The following PDE7B variants were observed in gnomAD, a reference collection of about 807,000 sequenced individuals.
The protein encoded by PDE7B is phosphodiesterase 7B, also known as 3',5'-cyclic-AMP phosphodiesterase 7B.
In PDE7B, 29 loss-of-function variants were observed where a neutral mutation model predicts 56.2. The ratio of observed to expected loss-of-function variants is 0.52; its 90% CI spans 0.38 to 0.70. The LOEUF is 0.70. Ranked by LOEUF, PDE7B falls within the 30% of genes least tolerant of loss-of-function variation. The pLI, the probability that PDE7B is intolerant of heterozygous loss-of-function variation, is 0.00. For missense variants in PDE7B, 490 were observed against 565.0 expected, an observed-to-expected ratio of 0.87 and a Z score of 1.35; for synonymous variants, 197 against 196.9, an observed-to-expected ratio of 1.00 and a Z score of 0.00.
chr6:135,988,931 G>C (rs759527277), intron 2 of PDE7B, among the ~76,000 whole-genome samples: 1 of 152,098 alleles, frequency 6.6e-6, no homozygotes. Flanking sequence ...AAATAAAATC[G>C]ATCTGTCTGT....
At chr6:135,880,641 A>G (rs1001206181) in intron 1 of PDE7B, among the ~76,000 whole-genome samples, 8 of 152,326 alleles carry the variant, frequency 5.3e-5, no homozygotes, top group African/African-American at 1.9e-4. Flanking sequence ...CTGTCCTGGG[A>G]CTTAAGAAAA....
intron 2 of PDE7B, among the ~76,000 whole-genome samples, chr6:136,057,576 T>C (rs1776759745): frequency 6.6e-6 from 1 of 152,228 alleles, no homozygotes; most frequent in African/African-American, 2.4e-5. Context: ...CAGTATTTGG[T>C]TGTCAACTAA....
At chr6:135,975,774 G>A (rs866335562) in intron 2 of PDE7B, among the ~76,000 whole-genome samples, 1 of 151,344 alleles carries the variant, frequency 6.6e-6, no homozygotes, top group African/African-American at 2.4e-5. Context: ...AAAAATAGAA[G>A]TGATATACTC....
chr6:135,894,321 A>G (rs545347425), intron 1 of PDE7B, among the ~76,000 whole-genome samples: 2 of 152,298 alleles, frequency 1.3e-5, no homozygotes, highest in South Asian at 4.1e-4. Context: ...TAAGAACTAT[A>G]GAGTGAATTT....
chr6:136,177,545 T>C (rs867948089), intron 9 of PDE7B, among the ~76,000 whole-genome samples: 1 of 152,182 alleles, frequency 6.6e-6, no homozygotes, highest in African/African-American at 2.4e-5. Context: ...CATGAAAATA[T>C]GTCTAGCCTC....
intron 2 of PDE7B, among the ~76,000 whole-genome samples, chr6:136,090,299 A>T (rs1777366692): frequency 6.6e-6 from 1 of 152,218 alleles, no homozygotes; most frequent in Non-Finnish European, 1.5e-5. Context: ...GTCTTCCATA[A>T]AGTTGGTGAT....
intron 3 of PDE7B, among the ~76,000 whole-genome samples, chr6:136,132,911 G>A (rs1030161818): frequency 1.3e-5 from 2 of 152,120 alleles, no homozygotes; most frequent in African/African-American, 4.8e-5. Flanking sequence ...GTCCTAAGGT[G>A]CCACTACAAT....
At chr6:135,894,265 G>C (rs186342603) in intron 1 of PDE7B, among the ~76,000 whole-genome samples, 49 of 152,166 alleles carry the variant, frequency 3.2e-4, no homozygotes, top group Admixed American at 1.0e-3. Context: ...CTCAAACATA[G>C]CATTTTATAT....
At chr6:135,880,832 G>C (rs1204003524) in intron 1 of PDE7B, among the ~76,000 whole-genome samples, 2 of 152,138 alleles carry the variant, frequency 1.3e-5, no homozygotes, top group Non-Finnish European at 2.9e-5. Flanking sequence ...GAAGCAAGGA[G>C]GAAATGGGAA....
chr6:136,027,906 G>A (rs780286603), intron 2 of PDE7B, among the ~76,000 whole-genome samples: 4 of 152,306 alleles, frequency 2.6e-5, no homozygotes, highest in Middle Eastern at 3.4e-3. Flanking sequence ...ACAAGTGTGA[G>A]CCACCACGCC....
intron 8 of PDE7B, among the ~76,000 whole-genome samples, chr6:136,163,477 G>A (rs999559567): frequency 5.9e-5 from 9 of 152,208 alleles, no homozygotes; most frequent in Non-Finnish European, 1.5e-5. Flanking sequence ...TACCTCCCTA[G>A]GCCTCCAGGC....
chr6:136,065,838 G>T lies in PDE7B; in HGVS notation c.83-42893G>T, dbSNP rs1318985753. ...GATTTCTAGAATAGCAGCTATTATGGAACAGTTAATATTTCAGATTTTAAC... is the reference window on the plus strand; with the variant it reads ...GATTTCTAGAATAGCAGCTATTATGTAACAGTTAATATTTCAGATTTTAAC... On this transcript the variant is annotated intron_variant, in intron 2 of 12. Coordinates refer to ENST00000308191, the MANE Select transcript of PDE7B (RefSeq NM_018945.4). Among the ~76,000 whole-genome samples the T allele has an allele frequency of 2.0e-5, 3 of 152,136 alleles. No individual in the cohort carries two copies. The East Asian group carries it at 5.8e-4, about 29-fold the overall frequency.
At chr6:136,019,367 A>G (rs2128207927) in intron 2 of PDE7B, among the ~76,000 whole-genome samples, 1 of 152,166 alleles carries the variant, frequency 6.6e-6, no homozygotes, top group Middle Eastern at 3.4e-3. Flanking sequence ...AAGAAGTTGA[A>G]CAGCTAGTAC....
intron 3 of PDE7B, among the ~76,000 whole-genome samples, chr6:136,131,690 T>A (rs1450317428): frequency 6.6e-6 from 1 of 152,124 alleles, no homozygotes; most frequent in Non-Finnish European, 1.5e-5. Flanking sequence ...TAAGTCAGTG[T>A]CAAGTGAGAC....
intron 2 of PDE7B, among the ~76,000 whole-genome samples, chr6:135,975,308 AGT>A (rs1246187808): frequency 1.3e-5 from 2 of 152,174 alleles, no homozygotes; most frequent in African/African-American, 4.8e-5. Context: ...AGGGGTTCTC[AGT>A]GGGGAAGAAA....
chr6:135,957,951 A>G (rs1583795263), intron 2 of PDE7B, among the ~76,000 whole-genome samples: 1 of 151,996 alleles, frequency 6.6e-6, no homozygotes, highest in African/African-American at 2.4e-5. Flanking sequence ...TGCCTCTTCC[A>G]GCCAGAACAG....
rs1475350234 is a variant in PDE7B at position 136,189,409 on chromosome 6, C to CA, written c.1127-2198dup. On this transcript the variant is annotated intron_variant, in intron 12 of 12. Coordinates refer to ENST00000308191, the MANE Select transcript of PDE7B (RefSeq NM_018945.4). ...CAAAACCCCATCTCCACAAAAAATACAAAAAAATAAAATTAGCTGGGTGTG... is the reference window on the plus strand; with the variant it reads ...CAAAACCCCATCTCCACAAAAAATACAAAAAAAATAAAATTAGCTGGGTGTG... Among the ~76,000 whole-genome samples the CA allele has an allele frequency of 8.6e-5, 13 of 151,988 alleles. 1 individual carries two copies. The South Asian group carries it at 1.2e-3, about 15-fold the overall frequency.
At chr6:136,087,044 C>T (rs909532861) in intron 2 of PDE7B, among the ~76,000 whole-genome samples, 1 of 152,200 alleles carries the variant, frequency 6.6e-6, no homozygotes, top group South Asian at 2.1e-4. Flanking sequence ...TACTTGTATA[C>T]TATTCTTTAT....
chr6:136,048,275 G>A (rs1228277122), intron 2 of PDE7B, among the ~76,000 whole-genome samples: 1 of 152,186 alleles, frequency 6.6e-6, no homozygotes. Context: ...TATAACATCA[G>A]CACTTTGGGA....
Sources: gnomAD v4.1 joint callset for allele counts (sites outside exome capture counted in the v4.1 genomes callset) on GRCh38, gnomAD v4.1.1 for gene constraint, MANE v1.5 for transcripts, NCBI Gene and HGNC (gene_info 2026-07-23, HGNC 2026-07-21) for gene names.